Variants in ARFGEF2 observed in about 807,000 individuals in gnomAD.
ARFGEF2 encodes the protein ARF guanine nucleotide exchange factor 2.
In ARFGEF2, 74 loss-of-function variants were observed where a neutral mutation model predicts 219.9. The ratio of observed to expected loss-of-function variants is 0.34; its 90% CI spans 0.28 to 0.41. The LOEUF is 0.41. ARFGEF2 is among the 10% of genes least tolerant of loss of function. ARFGEF2 has a pLI of 1.00. For missense variants in ARFGEF2, 1,743 were observed against 2,218.3 expected, an observed-to-expected ratio of 0.79 and a Z score of 4.30; for synonymous variants, 733 against 799.2, an observed-to-expected ratio of 0.92 and a Z score of 1.40.
chr20:49,013,789 C>T (rs996502939), intron 29 of ARFGEF2, 42 bp from the exon 30 acceptor site: 3 of 1,613,960 alleles, frequency 1.9e-6, no homozygotes, highest in Admixed American at 3.3e-5. Flanking sequence ...TTGTTCTCTT[C>T]TCCACCATTC....
intron 8 of ARFGEF2, 113 bp downstream of exon 8, chr20:48,966,136 T>C: frequency 7.7e-7 from 1 of 1,305,764 alleles, no homozygotes; most frequent in Non-Finnish European, 1.1e-6. Context: ...CCTGTTCCTT[T>C]ATTAGTCACA....
At chr20:48,998,537 T>TG in intron 25 of ARFGEF2, 32 bp downstream of exon 25, 1 of 1,433,414 alleles carries the variant, frequency 7.0e-7, no homozygotes, top group Non-Finnish European at 9.5e-7. Flanking sequence ...CCATTCCTGT[T>TG]AAAAAAAAAA....
chr20:48,932,981 C>CTGGGTTTGAGGTTGGTGA (rs1404829325), intron 1 of ARFGEF2, among the ~76,000 whole-genome samples: 4 of 151,978 alleles, frequency 2.6e-5, no homozygotes, highest in Non-Finnish European at 4.4e-5. Context: ...TTGGGCAGTG[C>CTGGGTTTGAGGTTGGTGA]TGGGTTTGAG....
At chr20:49,017,634 T>C in intron 33 of ARFGEF2, 84 bp downstream of exon 33, 1 of 1,404,652 alleles carries the variant, frequency 7.1e-7, no homozygotes, top group Non-Finnish European at 9.9e-7. Context: ...TTTGTACTTT[T>C]TTTAATGGGA....
chr20:48,963,717 A>T, intron 6 of ARFGEF2, 113 bp from the exon 7 acceptor site: 1 of 1,052,196 alleles, frequency 9.5e-7, no homozygotes, highest in Non-Finnish European at 1.4e-6. Flanking sequence ...GGGAGAACTT[A>T]TTTGCACCCT....
At chr20:48,928,490 GC>G (rs1229651154) in intron 1 of ARFGEF2, among the ~76,000 whole-genome samples, 2 of 138,716 alleles carry the variant, frequency 1.4e-5, no homozygotes, top group African/African-American at 5.4e-5. Context: ...GAGCCACCGC[GC>G]CCGGCCGCAA....
Position 49,032,108 on chromosome 20 carries a change from C to T in ARFGEF2, c.5123C>T (p.Ala1708Val), listed in dbSNP as rs1292799086. ...GTGAATTCTGAGAGCCATCGGGAGG[C>T]CTGGACAAGTCTCTTGTTGTTACTT... The part of the protein sequence containing the change: ...ITVNSESHRE[A>V]WTSLLLLLLT... Residue 1708 changes from alanine (A) to valine (V), a missense_variant, in exon 38 of 39, where the codon GCC becomes GTC. Coordinates refer to ENST00000371917, the MANE Select transcript of ARFGEF2 (RefSeq NM_006420.3). 1.2e-6 allele frequency: 2 copies of T among 1,613,858 alleles called. No homozygotes were observed. Among genetic ancestry groups the T allele is most frequent in the African/African-American group, 1.3e-5 (1 of 74,870 alleles).
At chr20:48,954,340 A>T (rs573672817) in intron 6 of ARFGEF2, among the ~76,000 whole-genome samples, 3 of 152,308 alleles carry the variant, frequency 2.0e-5, no homozygotes, top group African/African-American at 7.2e-5. Context: ...CCCACACCTG[A>T]TTATATTCTT....
At chr20:48,932,526 G>A (rs2090919592) in intron 1 of ARFGEF2, among the ~76,000 whole-genome samples, 1 of 152,178 alleles carries the variant, frequency 6.6e-6, no homozygotes, top group African/African-American at 2.4e-5. Flanking sequence ...AAAAGGGGAC[G>A]CTAGTACAAT....
intron 1 of ARFGEF2, among the ~76,000 whole-genome samples, chr20:48,935,645 G>T (rs1027879836): frequency 6.6e-6 from 1 of 151,872 alleles, no homozygotes; most frequent in East Asian, 1.9e-4. Context: ...GGGCAGAGGG[G>T]CTCCTCACTT....
At position 48,974,851 on chromosome 20, in the gene ARFGEF2, A is replaced by G. The variant is rs1011689601; in HGVS notation, c.1751A>G (p.Asn584Ser). Residue 584 changes from asparagine to serine, a missense_variant, in exon 13 of 39, where the codon AAT (asparagine) becomes AGT (serine). Asn to Ser is a conservative substitution (Grantham distance 46, BLOSUM62 1). This residue lies in a region of ARFGEF2 where 666 missense variants were observed against 955.4 expected (regional missense o/e 0.70). Coordinates refer to ENST00000371917, the MANE Select transcript of ARFGEF2 (RefSeq NM_006420.3). ...MVEWSKDLYV[N>S]PNHQTSLGQE... ...GAGTGGAGCAAAGACCTGTATGTGA[A>G]TCCCAACCACCAGACCAGCCTCGGT... 6.2e-7 allele frequency: 1 copy of G among 1,613,854 alleles called. No individual in the cohort carries two copies. The highest frequency in any genetic ancestry group is 1.3e-5 in the African/African-American group (1 of 75,038).
intron 1 of ARFGEF2, among the ~76,000 whole-genome samples, chr20:48,922,805 A>G (rs1443357640): frequency 6.6e-6 from 1 of 152,250 alleles, no homozygotes; most frequent in Non-Finnish European, 1.5e-5. Context: ...CATTTAACAA[A>G]TATTTATCAA....
chr20:48,964,906 A>G (rs2091178367), intron 7 of ARFGEF2, among the ~76,000 whole-genome samples: 1 of 152,200 alleles, frequency 6.6e-6, no homozygotes, highest in Non-Finnish European at 1.5e-5. Flanking sequence ...TATAATGTTA[A>G]GTATTGTTTC....
At chr20:48,990,959 C>T (rs1411409110) in intron 20 of ARFGEF2, 81 bp from the exon 21 acceptor site, 1 of 1,482,868 alleles carries the variant, frequency 6.7e-7, no homozygotes, top group Admixed American at 1.9e-5. Context: ...TCAGAGAAGC[C>T]CAGTGTGCCA....
rs190726544 is a variant in ARFGEF2 at position 48,976,231 on chromosome 20, T to C, written c.1958+32T>C. On this transcript the variant is annotated intron_variant, in intron 14 of 38. Coordinates refer to ENST00000371917, the MANE Select transcript of ARFGEF2 (RefSeq NM_006420.3). ...GGGGCTGCCGTTAACTAGCAGGGAT[T>C]CTAGCAAAGCCATATTTTCTCTGGG... The C allele has an allele frequency of 2.5e-6, 4 of 1,611,888 alleles. No homozygotes were observed. The East Asian group carries it at 8.9e-5, about 36-fold the overall frequency.
In ARFGEF2 at chr20:49,036,399, A is replaced by G. The variant is rs1022957842; in HGVS notation, c.*3200A>G. On this transcript the variant is annotated 3_prime_UTR_variant, in exon 39 of 39. Transcript: ENST00000371917. Reference sequence around the variant, plus strand: ...CTAATTTTTAAAAAATTTTATCTGCATATTTGCATCAAATATTTATGTGTA... The same window carrying G: ...CTAATTTTTAAAAAATTTTATCTGCGTATTTGCATCAAATATTTATGTGTA... 2.5e-6 allele frequency: 1 copy of G among 396,092 alleles called. No homozygotes were observed. The highest frequency in any genetic ancestry group is 2.1e-5 in the African/African-American group (1 of 48,598). The allele number at this position is 396,092 out of a possible 1,614,324, so 24.5% of individuals were successfully genotyped here. A position where few individuals can be genotyped will look rare whatever the true frequency, so the allele number is the denominator to read the frequency against.
chr20:48,927,173 G>A (rs974297815), intron 1 of ARFGEF2, among the ~76,000 whole-genome samples: 1 of 152,098 alleles, frequency 6.6e-6, no homozygotes, highest in Non-Finnish European at 1.5e-5. Context: ...TATTGTTAAG[G>A]GATCCAGTTA....
rs1202322546 is a variant in ARFGEF2 at position 49,025,400 on chromosome 20, T to C, written c.4843T>C (p.Leu1615=). ...YMSSQHLFKL[L]DCLQESHSFS... is the part of the protein sequence containing the mutation. ...GTCTTCCCAGCACCTCTTCAAGCTG[T>C]TGGACTGTTTGCAGGAATCCCATTC... Residue 1615 remains leucine, a synonymous_variant, in exon 36 of 39, where the codon TTG becomes CTG. Transcript: ENST00000371917. 6.2e-7 allele frequency: 1 copy of C among 1,614,144 alleles called. No homozygotes were observed. Among genetic ancestry groups the C allele is most frequent in the Non-Finnish European group, 8.5e-7 (1 of 1,179,992 alleles).
chr20:48,984,388 T>A (rs1009394860), intron 14 of ARFGEF2, among the ~76,000 whole-genome samples: 1 of 152,230 alleles, frequency 6.6e-6, no homozygotes, highest in Admixed American at 6.5e-5. Flanking sequence ...CATATCTCAC[T>A]GGCTAGAAGT....
Sources: allele counts gnomAD v4.1 joint callset (sites outside exome capture counted in the v4.1 genomes callset), GRCh38; gene constraint gnomAD v4.1.1; regional missense constraint gnomAD v4.1.1; transcripts MANE v1.5; gene names NCBI Gene and HGNC (gene_info 2026-07-23, HGNC 2026-07-21).